Variants in KCMF1 observed in about 807,000 individuals in gnomAD.
KCMF1 encodes the protein E3 ubiquitin-protein ligase KCMF1.
Under a neutral mutation model 41.1 loss-of-function variants are expected in KCMF1, and 3 were observed. That is an observed-to-expected ratio of 0.07 (90% CI 0.03 to 0.19). The LOEUF (loss-of-function observed/expected upper bound fraction) is 0.19, where lower values mean the gene tolerates loss of function less well. KCMF1 is among the 10% of genes least tolerant of loss of function. The pLI, the probability that KCMF1 is intolerant of heterozygous loss-of-function variation, is 1.00. For synonymous variants in KCMF1, 142 were observed against 164.5 expected (o/e 0.86, Z 1.04); for missense variants, 286 against 488.9 (o/e 0.58, Z 3.91).
intron 1 of KCMF1, among the ~76,000 whole-genome samples, chr2:85,013,600 C>T (rs1291595143): frequency 1.3e-5 from 2 of 152,006 alleles, no homozygotes; most frequent in Non-Finnish European, 1.5e-5. Flanking sequence ...TAGTTCGAGA[C>T]CAGCCTGGCC....
chr2:85,004,465 T>C (rs1225738320), intron 1 of KCMF1, among the ~76,000 whole-genome samples: 1 of 151,400 alleles, frequency 6.6e-6, no homozygotes, highest in Non-Finnish European at 1.5e-5. Flanking sequence ...TGAGCCGAGA[T>C]CGCGCCACTG....
At chr2:84,971,498 T>C in intron 1 of KCMF1, 31 bp downstream of exon 1, 2 of 1,187,184 alleles carry the variant, frequency 1.7e-6, no homozygotes, top group South Asian at 2.4e-5. Context: ...CACCCGCACC[T>C]CCCGGGCCTC....
At chr2:85,050,698 A>C (rs1675785537) in intron 6 of KCMF1, among the ~76,000 whole-genome samples, 1 of 152,246 alleles carries the variant, frequency 6.6e-6, no homozygotes, top group Non-Finnish European at 1.5e-5. Context: ...TGTAAAATGA[A>C]GAATAAAGTT....
rs1341976259 is a variant in KCMF1, at chr2:85,046,066, G to T, written c.427-38G>T. 11 of 1,546,294 alleles carry T rather than the reference G, an allele frequency of 7.1e-6. No homozygotes were observed. The Admixed American group carries it at 8.0e-5, about 11-fold the overall frequency. On this transcript the variant is annotated intron_variant, in intron 4 of 6. Transcript: ENST00000409785. Reference sequence around the variant, plus strand: ...GACTCAGGTGATTTTTTTTCTTTCTGTGAAATACTTTCGTTTTTTTCTTAA... The same window carrying T: ...GACTCAGGTGATTTTTTTTCTTTCTTTGAAATACTTTCGTTTTTTTCTTAA...
chr2:84,997,889 C>T (rs1204477192), intron 1 of KCMF1, among the ~76,000 whole-genome samples: 4 of 149,680 alleles, frequency 2.7e-5, no homozygotes, highest in African/African-American at 9.9e-5. Context: ...CATGCCTCGG[C>T]CTCCCGAGTA....
chr2:85,038,363 C>T (rs1675449293), intron 3 of KCMF1, among the ~76,000 whole-genome samples: 1 of 152,100 alleles, frequency 6.6e-6, no homozygotes, highest in African/African-American at 2.4e-5. Flanking sequence ...GGCCAAGGTG[C>T]AGGTAGCTAC....
At chr2:85,045,193 T>C (rs1675634452) in intron 4 of KCMF1, among the ~76,000 whole-genome samples, 1 of 152,054 alleles carries the variant, frequency 6.6e-6, no homozygotes, top group South Asian at 2.1e-4. Flanking sequence ...TAAGCTATGA[T>C]TGCACCACTG....
chr2:85,011,069 C>T (rs1674639563), intron 1 of KCMF1, among the ~76,000 whole-genome samples: 1 of 152,112 alleles, frequency 6.6e-6, no homozygotes, highest in African/African-American at 2.4e-5. Context: ...GTCTCGATCT[C>T]TTGACCTTGT....
chr2:84,993,213 G>GA (rs891650169), intron 1 of KCMF1, among the ~76,000 whole-genome samples: 11 of 151,304 alleles, frequency 7.3e-5, no homozygotes, highest in Non-Finnish European at 1.3e-4. Flanking sequence ...AAAGAAACAG[G>GA]AAAAAAACAA....
intron 3 of KCMF1, 107 bp downstream of exon 3, chr2:85,035,262 T>C: frequency 3.1e-6 from 3 of 957,414 alleles, no homozygotes; most frequent in South Asian, 1.9e-5. Context: ...AGTGTAATGA[T>C]ACCGTTTGCA....
chr2:85,032,821 AG>A (rs1467258860), intron 2 of KCMF1, among the ~76,000 whole-genome samples: 2 of 152,284 alleles, frequency 1.3e-5, no homozygotes, highest in African/African-American at 4.8e-5. Flanking sequence ...CGGCGCCAAG[AG>A]TTTTTTAGTG....
chr2:85,035,475 G>T (rs1675384877), intron 3 of KCMF1, among the ~76,000 whole-genome samples: 1 of 152,200 alleles, frequency 6.6e-6, no homozygotes. Flanking sequence ...TGCATCTCTT[G>T]TTATAGTATC....
intron 1 of KCMF1, among the ~76,000 whole-genome samples, chr2:84,999,083 T>C (rs972195858): frequency 1.9e-4 from 27 of 144,108 alleles, no homozygotes; most frequent in African/African-American, 6.6e-4. Context: ...TCTTGCTCTG[T>C]CACCCAGGCT....
intron 1 of KCMF1, among the ~76,000 whole-genome samples, chr2:85,023,578 C>T (rs1675009522): frequency 6.6e-6 from 1 of 152,146 alleles, no homozygotes; most frequent in South Asian, 2.1e-4. Flanking sequence ...GCCTCGGTCT[C>T]CCAAAGTGCT....
Position 84,971,456 on chromosome 2 carries a change from C to A in KCMF1, c.5C>A (p.Ser2Tyr). 2 of 1,286,564 alleles carry A rather than the reference C, an allele frequency of 1.6e-6. No individual in the cohort carries two copies. The allele number at this position is 1,286,564 out of a possible 1,614,324, so 79.7% of individuals were successfully genotyped here. A position where few individuals can be genotyped will look rare whatever the true frequency, so the allele number is the denominator to read the frequency against. ...GCCGCCACCGTCTGAACTAGGATGTCCCGACATGAAGGTGAGAGGAGCCCC... is the reference window on the plus strand; with the variant it reads ...GCCGCCACCGTCTGAACTAGGATGTACCGACATGAAGGTGAGAGGAGCCCC... M[S>Y]RHEGVSCDAC... is the part of the protein sequence containing the mutation. Residue 2 changes from serine to tyrosine, a missense_variant, in exon 1 of 7, where the codon TCC becomes TAC. Ser to Tyr is a moderately radical substitution (Grantham distance 144, BLOSUM62 -2). Transcript: ENST00000409785.
chr2:85,002,833 G>T (rs1193032546), intron 1 of KCMF1, among the ~76,000 whole-genome samples: 1 of 151,962 alleles, frequency 6.6e-6, no homozygotes, highest in African/African-American at 2.4e-5. Flanking sequence ...TCTTGGTGTA[G>T]TTTCTAGATA....
chr2:85,014,595 T>G (rs1674722131), intron 1 of KCMF1, among the ~76,000 whole-genome samples: 1 of 151,252 alleles, frequency 6.6e-6, no homozygotes, highest in South Asian at 2.1e-4. Flanking sequence ...CTCTCTGCCT[T>G]GCTGCCACAG....
intron 3 of KCMF1, among the ~76,000 whole-genome samples, chr2:85,038,779 T>G (rs998711943): frequency 6.6e-6 from 1 of 152,218 alleles, no homozygotes; most frequent in African/African-American, 2.4e-5. Context: ...AGAAAATCCC[T>G]TGGCATAATA....
At chr2:84,971,919 G>T (rs1475171858) in intron 1 of KCMF1, 1 of 152,018 alleles carries the variant, frequency 6.6e-6, no homozygotes, top group South Asian at 2.1e-4. Context: ...CAAAAGAGCC[G>T]GCCCGGGACC....
Sources: allele counts gnomAD v4.1 joint callset (sites outside exome capture counted in the v4.1 genomes callset), GRCh38; gene constraint gnomAD v4.1.1; transcripts MANE v1.5; gene names NCBI Gene and HGNC (gene_info 2026-07-23, HGNC 2026-07-21).